Variants in TCF24 observed in about 807,000 individuals in gnomAD.
The protein encoded by TCF24 is transcription factor 24.
A neutral mutation model predicts 9.3 loss-of-function variants in TCF24; 5 were observed. The ratio of observed to expected loss-of-function variants is 0.54; its 90% CI spans 0.28 to 1.13. The LOEUF (loss-of-function observed/expected upper bound fraction) is 1.13, where lower values mean the gene tolerates loss of function less well. Ranked by LOEUF, TCF24 falls within the 50% of genes most tolerant of loss-of-function variation. The pLI, the probability that TCF24 is intolerant of heterozygous loss-of-function variation, is 0.09. For missense variants in TCF24, 220 were observed against 236.1 expected (o/e 0.93, Z 0.45); for synonymous variants, 110 against 115.8 (o/e 0.95, Z 0.32).
chr8:66,954,010 A>G (rs946002561), intron 3 of TCF24, among the ~76,000 whole-genome samples: 1 of 151,892 alleles, frequency 6.6e-6, no homozygotes, highest in African/African-American at 2.4e-5. Context: ...AATTTTTTTC[A>G]AAGTTTTCAA....
At position 66,961,419 on chromosome 8, in the gene TCF24, C is replaced by G. The variant is rs761380553; in HGVS notation, c.347G>C (p.Gly116Ala). 2 of 1,517,882 alleles carry G rather than the reference C, an allele frequency of 1.3e-6. No homozygotes were observed. The highest frequency in any genetic ancestry group is 1.8e-6 in the Non-Finnish European group (2 of 1,139,262). 94.0% of individuals were successfully genotyped at this position (1,517,882 alleles called of 1,614,324 possible). A position where few individuals can be genotyped will look rare whatever the true frequency, so the allele number is the denominator to read the frequency against. ...QDDAEAPADA[G>A]LGALRGDGYL... is the part of the protein sequence containing the mutation. ...GCCATCGCCGCGCAGGGCGCCCAAC[C>G]CGGCGTCCGCCGGCGCCTCGGCGTC... The change falls in exon 3 of 4, where the codon GGG becomes GCG. Residue 116 changes from glycine (G) to alanine (A), a missense_variant. Physicochemically the swap from Gly to Ala is moderately conservative, Grantham distance 60. Transcript: ENST00000563496.
rs929269791 is a variant in TCF24 at position 66,947,121 on chromosome 8, G to A, written c.*930C>T. On this transcript the variant is annotated 3_prime_UTR_variant, in exon 4 of 4. Coordinates refer to ENST00000563496, the MANE Select transcript of TCF24 (RefSeq NM_001193502.2). ...GTACTTTTCTACATATTAATATGTAGAGAACTATTATATATCTTTCTTGCA... is the reference window on the plus strand; with the variant it reads ...GTACTTTTCTACATATTAATATGTAAAGAACTATTATATATCTTTCTTGCA... 4 of 152,036 alleles carry A rather than the reference G, an allele frequency of 2.6e-5. No individual in the cohort carries two copies. The highest frequency in any genetic ancestry group is 5.9e-5 in the Non-Finnish European group (4 of 68,004). The allele number at this position is 152,036 out of a possible 1,614,324, so 9.4% of individuals were successfully genotyped here.
chr8:66,948,137 T>C lies in TCF24; in HGVS notation c.418A>G (p.Ile140Val). ...KKWPMRSRLY[I>V]GATGQFLKHS... is the part of the protein sequence containing the mutation. ...TTCAGAAACTGACCAGTAGCACCGA[T>C]GTACAATCTTGATCGCATGGGCCAT... The change falls in exon 4 of 4, where the codon ATC becomes GTC. Residue 140 changes from isoleucine (I) to valine (V), a missense_variant. Transcript: ENST00000563496. 5 of 1,533,440 alleles carry C rather than the reference T, an allele frequency of 3.3e-6. No homozygotes were observed. The highest frequency in any genetic ancestry group is 4.4e-6 in the Non-Finnish European group (5 of 1,146,324). 95.0% of individuals were successfully genotyped at this position (1,533,440 alleles called of 1,614,324 possible). A position where few individuals can be genotyped will look rare whatever the true frequency, so the allele number is the denominator to read the frequency against.
chr8:66,960,695 A>G (rs771346558), intron 3 of TCF24, among the ~76,000 whole-genome samples: 57 of 152,316 alleles, frequency 3.7e-4, no homozygotes, highest in Middle Eastern at 3.4e-3. Context: ...CTCTTGTCTA[A>G]TTTTGTACAT....
chr8:66,953,721 T>C (rs953218359), intron 3 of TCF24, among the ~76,000 whole-genome samples: 3 of 152,136 alleles, frequency 2.0e-5, no homozygotes, highest in African/African-American at 7.2e-5. Flanking sequence ...TCCCCGTCAC[T>C]TTCAGGTACA....
intron 3 of TCF24, among the ~76,000 whole-genome samples, chr8:66,953,681 T>C (rs1814094349): frequency 4.0e-5 from 6 of 151,874 alleles, no homozygotes; most frequent in Admixed American, 6.6e-5. Context: ...GATAATATCC[T>C]GCAGAGTGTT....
intron 3 of TCF24, among the ~76,000 whole-genome samples, chr8:66,953,916 G>A (rs1309278573): frequency 2.2e-4 from 33 of 151,254 alleles, no homozygotes; most frequent in African/African-American, 7.0e-4. Context: ...CATTCTTCAC[G>A]TAGTTCTCGA....
At position 66,948,048 on chromosome 8, in the gene TCF24, A is replaced by G. The variant is rs1482728282; in HGVS notation, c.*3T>C. On this transcript the variant is annotated 3_prime_UTR_variant, in exon 4 of 4. Transcript: ENST00000563496. ...CTTCTACCAGCCCCCACCAGGGGAGAGCCTAAGGCTGTGAGTCTGTTGGAG... is the reference window on the plus strand; with the variant it reads ...CTTCTACCAGCCCCCACCAGGGGAGGGCCTAAGGCTGTGAGTCTGTTGGAG... The G allele has an allele frequency of 5.3e-6, 8 of 1,515,572 alleles. No individual in the cohort carries two copies. The highest frequency in any genetic ancestry group is 7.0e-6 in the Non-Finnish European group (8 of 1,138,460). 93.9% of individuals were successfully genotyped at this position (1,515,572 alleles called of 1,614,324 possible).
chr8:66,948,068 T>C lies in TCF24; in HGVS notation c.487A>G (p.Thr163Ala), dbSNP rs530107175. Residue 163 changes from threonine to alanine, a missense_variant, in exon 4 of 4, where the codon ACA becomes GCA. Coordinates refer to ENST00000563496, the MANE Select transcript of TCF24 (RefSeq NM_001193502.2). ...GEKTNHDNTP[T>A]DSQP ...GGGAGAGCCTAAGGCTGTGAGTCTG[T>C]TGGAGTGTTGTCATGATTTGTTTTT... 326 of 1,533,928 alleles carry C rather than the reference T, an allele frequency of 2.1e-4. 1 individual carries two copies. In the African/African-American group the frequency reaches 4.1e-3, roughly 19 times the overall value.
Position 66,948,089 on chromosome 8 carries a change from T to C in TCF24, c.466A>G (p.Thr156Ala). Residue 156 changes from threonine (T) to alanine (A), a missense_variant, in exon 4 of 4, where the codon ACA becomes GCA. By Grantham distance (58) the Thr-to-Ala change is moderately conservative (BLOSUM62 0). Coordinates refer to ENST00000563496, the MANE Select transcript of TCF24 (RefSeq NM_001193502.2). ...FLKHSVSGEKTNHDNTPTDSQ... is the reference protein window; with the variant it reads ...FLKHSVSGEKANHDNTPTDSQ... Reference sequence around the variant, plus strand: ...TCTGTTGGAGTGTTGTCATGATTTGTTTTTTCTCCAGAAACAGAATGCTTC... The same window carrying C: ...TCTGTTGGAGTGTTGTCATGATTTGCTTTTTCTCCAGAAACAGAATGCTTC... The C allele has an allele frequency of 1.3e-6, 2 of 1,535,080 alleles. No homozygotes were observed. Among genetic ancestry groups the C allele is most frequent in the Non-Finnish European group, 1.7e-6 (2 of 1,146,592 alleles).
chr8:66,956,510 G>A (rs2130900866), intron 3 of TCF24, among the ~76,000 whole-genome samples: 1 of 152,146 alleles, frequency 6.6e-6, no homozygotes, highest in East Asian at 1.9e-4. Flanking sequence ...TTACAGGCAT[G>A]TGCCACCATG....
At chr8:66,958,925 C>A (rs1380057552) in intron 3 of TCF24, among the ~76,000 whole-genome samples, 1 of 152,168 alleles carries the variant, frequency 6.6e-6, no homozygotes, top group East Asian at 1.9e-4. Context: ...CCATTTCAGG[C>A]TATGCACCAG....
chr8:66,950,882 GCTCT>G (rs1362771042), intron 3 of TCF24, among the ~76,000 whole-genome samples: 11 of 150,884 alleles, frequency 7.3e-5, no homozygotes, highest in Non-Finnish European at 1.0e-4. Context: ...TCATGATTTG[GCTCT>G]CTGTTTGTCT....
chr8:66,953,454 C>T (rs1382810957), intron 3 of TCF24, among the ~76,000 whole-genome samples: 25 of 152,172 alleles, frequency 1.6e-4, no homozygotes, highest in South Asian at 4.1e-4. Context: ...AAGGTTTCTG[C>T]CGAGAGATCC....
In TCF24 at chr8:66,961,413, C is replaced by T. The variant is rs921708708; in HGVS notation, c.353G>A (p.Gly118Asp). 1.3e-6 allele frequency: 2 copies of T among 1,516,900 alleles called. No individual in the cohort carries two copies. The highest frequency in any genetic ancestry group is 1.8e-6 in the Non-Finnish European group (2 of 1,138,858). The allele number at this position is 1,516,900 out of a possible 1,614,324, so 94.0% of individuals were successfully genotyped here. A position where few individuals can be genotyped will look rare whatever the true frequency, so the allele number is the denominator to read the frequency against. Residue 118 changes from glycine (G) to aspartate (D), a missense_variant, in exon 3 of 4, where the codon GGC (glycine) becomes GAC (aspartate). Transcript: ENST00000563496. ...DAEAPADAGL[G>D]ALRGDGYLHP... Reference sequence around the variant, plus strand: ...CAGGTAGCCATCGCCGCGCAGGGCGCCCAACCCGGCGTCCGCCGGCGCCTC... The same window carrying T: ...CAGGTAGCCATCGCCGCGCAGGGCGTCCAACCCGGCGTCCGCCGGCGCCTC...
intron 3 of TCF24, 78 bp downstream of exon 3, chr8:66,961,298 C>T (rs1250404624): frequency 2.2e-6 from 3 of 1,368,920 alleles, no homozygotes; most frequent in Non-Finnish European, 1.9e-6. Flanking sequence ...AGAGCATCTA[C>T]CCAAGACGGT....
intron 3 of TCF24, among the ~76,000 whole-genome samples, chr8:66,960,853 T>C (rs555909252): frequency 3.9e-5 from 6 of 152,312 alleles, no homozygotes; most frequent in African/African-American, 1.4e-4. Flanking sequence ...TTTTACTCCA[T>C]AGAGATGCAG....
At chr8:66,951,283 TGA>T (rs1459925920) in intron 3 of TCF24, among the ~76,000 whole-genome samples, 1 of 147,998 alleles carries the variant, frequency 6.8e-6, no homozygotes, top group African/African-American at 2.5e-5. Context: ...CCTAATTTAT[TGA>T]GAGTTTTTAG....
At position 66,961,613 on chromosome 8, in the gene TCF24, C is replaced by T. The variant is rs894719903; in HGVS notation, c.153G>A (p.Ala51=). The T allele has an allele frequency of 1.6e-6, 2 of 1,286,208 alleles. No homozygotes were observed. The highest frequency in any genetic ancestry group is 2.0e-6 in the Non-Finnish European group (2 of 1,019,398). The allele number at this position is 1,286,208 out of a possible 1,614,324, so 79.7% of individuals were successfully genotyped here. A position where few individuals can be genotyped will look rare whatever the true frequency, so the allele number is the denominator to read the frequency against. Residue 51 remains alanine (A), a synonymous_variant, in exon 3 of 4, where the codon GCG becomes GCA. Coordinates refer to ENST00000563496, the MANE Select transcript of TCF24 (RefSeq NM_001193502.2). ...GGSRSGSGRP[A]AANAARERSR... Reference sequence around the variant, plus strand: ...TGCGCTCCCGCGCCGCATTCGCCGCCGCCGGCCGCCCGCTCCCGGAACGCG... The same window carrying T: ...TGCGCTCCCGCGCCGCATTCGCCGCTGCCGGCCGCCCGCTCCCGGAACGCG...
Sources: gnomAD v4.1 joint callset for allele counts (sites outside exome capture counted in the v4.1 genomes callset) on GRCh38, gnomAD v4.1.1 for gene constraint, MANE v1.5 for transcripts, NCBI Gene and HGNC (gene_info 2026-07-23, HGNC 2026-07-21) for gene names.